USP22: variants seen among roughly 807,000 people sequenced by gnomAD.
USP22 encodes ubiquitin specific peptidase 22.
USP22 carries 22 observed loss-of-function variants against 68.1 expected under a neutral mutation model. The ratio of observed to expected loss-of-function variants is 0.32; its 90% CI spans 0.23 to 0.46. USP22 has a LOEUF of 0.46. Among genes scored for constraint, USP22 ranks in the 20% least tolerant of loss-of-function variants. The pLI, the probability that USP22 is intolerant of heterozygous loss-of-function variation, is 1.00. For synonymous variants in USP22, 279 were observed against 274.2 expected (o/e 1.02, Z -0.17); for missense variants, 433 against 695.8 (o/e 0.62, Z 4.25).
chr17:21,031,631 ATAGT>A (rs1972292756), intron 1 of USP22, among the ~76,000 whole-genome samples: 2 of 142,568 alleles, frequency 1.4e-5, no homozygotes, highest in African/African-American at 2.6e-5. Flanking sequence ...ACACTCCATT[ATAGT>A]CTCTCTCTAC....
intron 7 of USP22, chr17:21,011,510 T>C (rs1417390426): frequency 1.6e-6 from 1 of 622,826 alleles, no homozygotes; most frequent in Non-Finnish European, 2.7e-6. Flanking sequence ...TGGGGAGGGG[T>C]GTGTGTGAAC....
chr17:21,015,979 A>G (rs1914121331), intron 5 of USP22, 80 bp from the exon 6 acceptor site: 1 of 1,481,216 alleles, frequency 6.8e-7, no homozygotes, highest in Non-Finnish European at 9.0e-7. Flanking sequence ...CAAAACCTTT[A>G]TCAGATGCCT....
intron 1 of USP22, among the ~76,000 whole-genome samples, chr17:21,041,760 T>C (rs1351437801): frequency 6.6e-6 from 1 of 152,206 alleles, no homozygotes; most frequent in Non-Finnish European, 1.5e-5. Flanking sequence ...ACTGTAAAAA[T>C]AAACTTTATT....
Position 21,035,673 on chromosome 17 carries a change from C to G in USP22, c.171+6992G>C, listed in dbSNP as rs573171287. 3.8e-4 allele frequency among the ~76,000 whole-genome samples: 58 copies of G among 152,242 alleles called. No individual in the cohort carries two copies. The East Asian group carries it at 5.8e-3, about 15-fold the overall frequency. On this transcript the variant is annotated intron_variant, in intron 1 of 12. Coordinates refer to ENST00000261497, the MANE Select transcript of USP22 (RefSeq NM_015276.2). ...AAGAAAGGAATGAAGAGAGAACCTA[C>G]AGATTAAGAAACTTAAACGACTTAC...
chr17:21,004,709 T>C (rs138910705), intron 11 of USP22, among the ~76,000 whole-genome samples: 3 of 150,742 alleles, frequency 2.0e-5, no homozygotes, highest in Non-Finnish European at 4.4e-5. Context: ...AGGCCAAGAG[T>C]GGGGCTGGGC....
chr17:21,021,585 G>A (rs1009610405), intron 2 of USP22, among the ~76,000 whole-genome samples: 1 of 152,230 alleles, frequency 6.6e-6, no homozygotes, highest in Non-Finnish European at 1.5e-5. Flanking sequence ...CACCTGACAC[G>A]GAGTGACTAT....
Position 21,007,977 on chromosome 17 carries a change from A to G in USP22, c.1123T>C (p.Leu375=), listed in dbSNP as rs979183855. Residue 375 remains leucine (L), a synonymous_variant, in exon 9 of 13, where the codon TTG becomes CTG. Transcript: ENST00000261497. ...CLRRFTRPEH[L]GSSAKIKCSG... is the part of the protein sequence containing the mutation. The stretch of plus-strand genomic sequence containing the variant: ...CACTTGATCTTGGCGCTGCTGCCCA[A>G]GTGCTCTGGTCTGGTGAATCTACAG... The G allele has an allele frequency of 2.5e-6, 4 of 1,614,144 alleles. No homozygotes were observed. In the African/African-American group the frequency reaches 5.3e-5, roughly 22 times the overall value.
intron 3 of USP22, among the ~76,000 whole-genome samples, chr17:21,020,093 A>C (rs1191530658): frequency 6.6e-6 from 1 of 152,170 alleles, no homozygotes; most frequent in Non-Finnish European, 1.5e-5. Context: ...AGAATGTAAA[A>C]CAGGTGTCAG....
intron 1 of USP22, among the ~76,000 whole-genome samples, chr17:21,031,394 AAAC>A (rs1372868180): frequency 1.3e-5 from 2 of 152,256 alleles, no homozygotes; most frequent in Non-Finnish European, 2.9e-5. Context: ...ACACTGAACA[AAAC>A]AACTAAACAC....
chr17:21,030,586 A>C (rs1972277671), intron 1 of USP22, among the ~76,000 whole-genome samples: 1 of 152,236 alleles, frequency 6.6e-6, no homozygotes, highest in African/African-American at 2.4e-5. Context: ...TGCAGAGAAC[A>C]ACATGGCGGC....
At chr17:21,040,775 T>C (rs1170816064) in intron 1 of USP22, among the ~76,000 whole-genome samples, 1 of 152,016 alleles carries the variant, frequency 6.6e-6, no homozygotes, top group African/African-American at 2.4e-5. Context: ...CGGTCCCCAC[T>C]TCATCCAAAG....
rs1332134436 is a variant in USP22, at chr17:21,002,631, T to TA, written c.*399dup. On this transcript the variant is annotated 3_prime_UTR_variant, in exon 13 of 13. Coordinates refer to ENST00000261497, the MANE Select transcript of USP22 (RefSeq NM_015276.2). Reference sequence around the variant, plus strand: ...GCACACTACACCTCTGTGTCCAGCTTACTGCTTTCATGGACCCATAATCTT... The same window carrying TA: ...GCACACTACACCTCTGTGTCCAGCTTAACTGCTTTCATGGACCCATAATCTT... 2 of 260,384 alleles carry TA rather than the reference T, an allele frequency of 7.7e-6. No individual in the cohort carries two copies. The highest frequency in any genetic ancestry group is 1.5e-5 in the Non-Finnish European group (2 of 131,082). 16.1% of individuals were successfully genotyped at this position (260,384 alleles called of 1,614,324 possible).
Position 21,002,916 on chromosome 17 carries a change from TGTCACCAGGCCG to T in USP22, c.*103_*114del. The T allele has an allele frequency of 7.8e-7, 1 of 1,277,028 alleles. No homozygotes were observed. The highest frequency in any genetic ancestry group is 1.1e-6 in the Non-Finnish European group (1 of 893,178). The allele number at this position is 1,277,028 out of a possible 1,614,324, so 79.1% of individuals were successfully genotyped here. A position where few individuals can be genotyped will look rare whatever the true frequency, so the allele number is the denominator to read the frequency against. ...GGGGCCACATCTGCATGGGAGGTGGTGTCACCAGGCCGGGGAGGCGGCGGGAGACTTGGGGGA... is the reference window on the plus strand; with the variant it reads ...GGGGCCACATCTGCATGGGAGGTGGTGGGAGGCGGCGGGAGACTTGGGGGA... On this transcript the variant is annotated 3_prime_UTR_variant, in exon 13 of 13. Transcript: ENST00000261497.
At chr17:21,031,646 T>C (rs1972293054) in intron 1 of USP22, among the ~76,000 whole-genome samples, 1 of 140,948 alleles carries the variant, frequency 7.1e-6, no homozygotes, top group Non-Finnish European at 1.5e-5. Context: ...CTCTCTCTAC[T>C]ACACAACCTA....
rs1257372122 is a variant in USP22 at position 21,006,986 on chromosome 17, C to A, written c.1232G>T (p.Arg411Leu). 2 of 1,598,204 alleles carry A rather than the reference C, an allele frequency of 1.3e-6. No homozygotes were observed. Among genetic ancestry groups the A allele is most frequent in the African/African-American group, 2.7e-5 (2 of 74,578 alleles). Residue 411 changes from arginine (R) to leucine (L), a missense_variant and splice_region_variant, in exon 10 of 13, where the codon CGA (arginine) becomes CTA (leucine). Around this residue, in one of 4 missense-constraint regions of USP22, gnomAD observed 178 missense variants for 351.5 expected, o/e 0.51. Transcript: ENST00000261497. Reference sequence around the variant, plus strand: ...CCGCAGCTTGGCTGAGTGTTCAAATCGCTGCAGAAATAGGAAGGGGACAGA... The same window carrying A: ...CCGCAGCTTGGCTGAGTGTTCAAATAGCTGCAGAAATAGGAAGGGGACAGA... ...LPIVACFHLK[R>L]FEHSAKLRRK...
At chr17:21,020,244 CAAAAAAAAAAAAAAAA>C (rs3047597) in intron 3 of USP22, among the ~76,000 whole-genome samples, 1,174 of 73,412 alleles carry the variant, frequency 0.016, 48 homozygotes, top group African/African-American at 0.058. Flanking sequence ...AATCAAAAAC[CAAAAAAAAAAAAAAAA>C]AAAAAAAAAG....
intron 9 of USP22, 67 bp from the exon 10 acceptor site, chr17:21,007,054 G>A: frequency 1.5e-6 from 2 of 1,359,218 alleles, no homozygotes; most frequent in Non-Finnish European, 2.0e-6. Context: ...GAAGCTTCAG[G>A]GCCTTCTTCT....
intron 5 of USP22, 104 bp downstream of exon 5, chr17:21,017,838 G>C: frequency 7.2e-7 from 1 of 1,395,392 alleles, no homozygotes; most frequent in Non-Finnish European, 9.8e-7. Flanking sequence ...ACTACAAAAG[G>C]TTCTAAATGT....
intron 6 of USP22, among the ~76,000 whole-genome samples, chr17:21,014,841 C>T (rs1914081444): frequency 6.6e-6 from 1 of 152,218 alleles, no homozygotes; most frequent in South Asian, 2.1e-4. Flanking sequence ...CAGCCAGGTG[C>T]CCTGTGACCT....
Sources: gnomAD v4.1 joint callset for allele counts (sites outside exome capture counted in the v4.1 genomes callset) on GRCh38, gnomAD v4.1.1 for gene constraint, gnomAD v4.1.1 regional missense constraint, MANE v1.5 for transcripts, NCBI Gene and HGNC (gene_info 2026-07-23, HGNC 2026-07-21) for gene names.